SH3TC1: variants seen among roughly 807,000 people sequenced by gnomAD.
The protein encoded by SH3TC1 is SH3 domain and tetratricopeptide repeats 1.
In SH3TC1, 135 loss-of-function variants were observed where a neutral mutation model predicts 117.3. That is an observed-to-expected ratio of 1.15 (90% CI 1.00 to 1.33). The LOEUF (loss-of-function observed/expected upper bound fraction) is 1.33. Among genes scored for constraint, SH3TC1 ranks in the 40% most tolerant of loss-of-function variants. The pLI is 0.00. For missense variants in SH3TC1, 2,092 were observed against 1,794.3 expected (o/e 1.17, Z -3.00); for synonymous variants, 898 against 816.9 (o/e 1.10, Z -1.69).
chr4:8,238,375 G>A (rs2152999046), intron 17 of SH3TC1, among the ~76,000 whole-genome samples: 1 of 152,292 alleles, frequency 6.6e-6, no homozygotes, highest in African/African-American at 2.4e-5. Context: ...CAGGGGTGGA[G>A]AACTGGGACC....
In SH3TC1 at chr4:8,217,583, G is replaced by C. The variant is rs564818856; in HGVS notation, c.839+416G>C. ...ACTCCTGTTCACTTGCTGAAGCGGG[G>C]GGCATTAACTTGGGTTGGAGCTTCC... On this transcript the variant is annotated intron_variant, in intron 7 of 17. Transcript: ENST00000245105. Among the ~76,000 whole-genome samples the C allele has an allele frequency of 1.7e-3, 258 of 152,354 alleles. 1 individual carries two copies. The highest frequency in any genetic ancestry group is 5.9e-3 in the African/African-American group (244 of 41,582).
chr4:8,236,827 A>G (rs1158830469), intron 16 of SH3TC1: 3 of 180,734 alleles, frequency 1.7e-5, no homozygotes, highest in Non-Finnish European at 3.4e-5. Flanking sequence ...TTCCCCTTCC[A>G]GCAGCCTGCC....
chr4:8,193,553 C>A (rs1020207990), intron 1 of SH3TC1, among the ~76,000 whole-genome samples: 2 of 152,206 alleles, frequency 1.3e-5, no homozygotes, highest in African/African-American at 4.8e-5. Flanking sequence ...TTTCATCCTC[C>A]TCTCTTTCCT....
chr4:8,193,009 C>A lies in SH3TC1; in HGVS notation c.-57+10799C>A, dbSNP rs76245031. 3.4e-3 allele frequency among the ~76,000 whole-genome samples: 517 copies of A among 152,330 alleles called. 4 individuals carry two copies. Among genetic ancestry groups the A allele is most frequent in the African/African-American group, 0.012 (495 of 41,576 alleles). On this transcript the variant is annotated intron_variant, in intron 1 of 16. Transcript: ENST00000508641. ...CCACAAACCACATGACCACATCTGG[C>A]CCCCTGTCTTGTATAATAGATAGTT...
chr4:8,194,922 G>C (rs1397685479), upstream of SH3TC1, among the ~76,000 whole-genome samples: 1 of 152,226 alleles, frequency 6.6e-6, no homozygotes, highest in Non-Finnish European at 1.5e-5. Flanking sequence ...GAAAGCCCCA[G>C]AGGGCAGTTG....
rs1479990148 is a variant in SH3TC1, at chr4:8,231,809, C to T, written c.2951-167C>T. ...GAAGGCCGGCCTCTACCATGGGCAT[C>T]TGCACCAAGCTGTGCCCATGTCACG... On this transcript the variant is annotated intron_variant, in intron 12 of 17. Coordinates refer to ENST00000245105, the MANE Select transcript of SH3TC1 (RefSeq NM_018986.5). 2.1e-5 allele frequency: 15 copies of T among 718,744 alleles called. No individual in the cohort carries two copies. In the East Asian group the frequency reaches 3.8e-4, roughly 18 times the overall value. 44.5% of individuals were successfully genotyped at this position (718,744 alleles called of 1,614,324 possible). A position where few individuals can be genotyped will look rare whatever the true frequency, so the allele number is the denominator to read the frequency against.
chr4:8,210,201 G>T lies in SH3TC1; in HGVS notation c.247+379G>T, dbSNP rs73798660. Among the ~76,000 whole-genome samples, 19 of 152,276 alleles carry T rather than the reference G, an allele frequency of 1.2e-4. No homozygotes were observed. Among genetic ancestry groups the T allele is most frequent in the African/African-American group, 3.6e-4 (15 of 41,594 alleles). On this transcript the variant is annotated intron_variant, in intron 3 of 17. Coordinates refer to ENST00000245105, the MANE Select transcript of SH3TC1 (RefSeq NM_018986.5). The surrounding 1 kb of genome is among the most constrained non-coding windows in gnomAD (Gnocchi z 4.1). ...CAGGCTTCCCAGGGATGGGATCGCC[G>T]CAGGGCACAGGTGGAGGGAGGCAGC... is the stretch of plus-strand genomic sequence containing the variant.
chr4:8,218,441 C>CT, intron 8 of SH3TC1, 94 bp downstream of exon 8: 2 of 844,880 alleles, frequency 2.4e-6, no homozygotes, highest in Non-Finnish European at 3.7e-6. Context: ...CCTCCCTGAG[C>CT]CAGAGAGATA....
At chr4:8,213,913 G>A (rs943802407) in intron 4 of SH3TC1, among the ~76,000 whole-genome samples, 1 of 151,736 alleles carries the variant, frequency 6.6e-6, no homozygotes, top group Non-Finnish European at 1.5e-5. Context: ...AGAAAGAAAC[G>A]GGGCCTTATT....
chr4:8,208,024 C>T (rs1718347427), intron 2 of SH3TC1, among the ~76,000 whole-genome samples: 1 of 152,208 alleles, frequency 6.6e-6, no homozygotes, highest in African/African-American at 2.4e-5. Context: ...GCGGGCTGGA[C>T]AGGACCCCTG....
intron 5 of SH3TC1, 130 bp from the exon 6 acceptor site, chr4:8,215,981 A>G: frequency 8.8e-7 from 1 of 1,138,966 alleles, no homozygotes; most frequent in Non-Finnish European, 1.2e-6. Context: ...ACCCCAGGGC[A>G]GGTGGGTGTC....
upstream of SH3TC1, among the ~76,000 whole-genome samples, chr4:8,197,729 G>GA (rs1717606544): frequency 6.8e-5 from 1 of 14,624 alleles, no homozygotes; most frequent in Admixed American, 9.1e-4. Context: ...GGCAGCGAGG[G>GA]GCATGCCTAG....
intron 14 of SH3TC1, 92 bp from the exon 15 acceptor site, chr4:8,235,341 A>T: frequency 7.2e-7 from 1 of 1,379,636 alleles, no homozygotes; most frequent in Non-Finnish European, 9.5e-7. Flanking sequence ...GCAGTGTGTG[A>T]GAGGAAGGAG....
chr4:8,227,238 T>A lies in SH3TC1; in HGVS notation c.1544T>A (p.Phe515Tyr). The change falls in exon 12 of 18, where the codon TTC (phenylalanine) becomes TAC (tyrosine). Residue 515 changes from phenylalanine (F) to tyrosine (Y), a missense_variant. Phe to Tyr is a conservative substitution (Grantham distance 22, BLOSUM62 3). Transcript: ENST00000245105. ...FLNAPGYKASFRGLYDVALPW... is the reference protein window; with the variant it reads ...FLNAPGYKASYRGLYDVALPW... ...AACGCCCCTGGGTACAAGGCCAGCT[T>A]CCGTGGCCTGTACGATGTGGCGCTG... is the stretch of plus-strand genomic sequence containing the variant. 1.9e-6 allele frequency: 3 copies of A among 1,588,982 alleles called. No individual in the cohort carries two copies. The South Asian group carries it at 3.4e-5, about 18-fold the overall frequency.
chr4:8,228,341 G>C lies in SH3TC1; in HGVS notation c.2647G>C (p.Ala883Pro). The C allele has an allele frequency of 6.2e-7, 1 of 1,611,940 alleles. No individual in the cohort carries two copies. The highest frequency in any genetic ancestry group is 8.5e-7 in the Non-Finnish European group (1 of 1,179,874). Reference sequence around the variant, plus strand: ...GAGGACGGGCCGGACGAGGCAGGCAGCTGAGAGCTACTACCGCGCCCTGCG... The same window carrying C: ...GAGGACGGGCCGGACGAGGCAGGCACCTGAGAGCTACTACCGCGCCCTGCG... Reference protein sequence around the residue: ...LKRTGRTRQAAESYYRALRVA... With the variant: ...LKRTGRTRQAPESYYRALRVA... The change falls in exon 12 of 18, where the codon GCT becomes CCT. Residue 883 changes from alanine to proline, a missense_variant. Ala to Pro is a conservative substitution (Grantham distance 27). Transcript: ENST00000245105.
chr4:8,209,582 T>A lies in SH3TC1; in HGVS notation c.173-166T>A. ...TGGGAAGTGCAGGCAGCTTCCCTCC[T>A]TGCTGGGCTCTGGGGAGACTGGAGG... On this transcript the variant is annotated intron_variant, in intron 2 of 17. Coordinates refer to ENST00000245105, the MANE Select transcript of SH3TC1 (RefSeq NM_018986.5). This position sits in a 1 kb window ranked among gnomAD's most constrained non-coding sequence, Gnocchi z 5.9. 1 of 1,507,270 alleles carries A rather than the reference T, an allele frequency of 6.6e-7. No individual in the cohort carries two copies. Among genetic ancestry groups the A allele is most frequent in the East Asian group, 2.5e-5 (1 of 40,478 alleles). 93.4% of individuals were successfully genotyped at this position (1,507,270 alleles called of 1,614,324 possible).
intron 3 of SH3TC1, among the ~76,000 whole-genome samples, chr4:8,211,744 A>C (rs1387427982): frequency 6.6e-6 from 1 of 151,864 alleles, no homozygotes; most frequent in Non-Finnish European, 1.5e-5. Flanking sequence ...TCTAGTGGGA[A>C]ATTGCCAACC....
rs149529536 is a variant in SH3TC1 at position 8,236,307 on chromosome 4, G to A, written c.3435G>A (p.Thr1145=). 1.7e-4 allele frequency: 271 copies of A among 1,556,136 alleles called. No homozygotes were observed. The African/African-American group carries it at 3.1e-3, about 18-fold the overall frequency. ...RDRALPLAVT[T]GNRKAELRLC... ...GGGCCCTGCCCCTGGCAGTGACTAC[G>A]GGCAACCGCAAGGCGGAGCTGCGGC... The change falls in exon 16 of 18, where the codon ACG becomes ACA. Residue 1145 remains threonine (T), a synonymous_variant. Transcript: ENST00000245105.
chr4:8,209,113 G>A lies in SH3TC1; in HGVS notation c.173-635G>A, dbSNP rs1718438686. Among the ~76,000 whole-genome samples the A allele has an allele frequency of 6.6e-6, 1 of 152,198 alleles. No individual in the cohort carries two copies. The highest frequency in any genetic ancestry group is 2.4e-5 in the African/African-American group (1 of 41,452). ...TCCTACCTGCACAAGCTGTGAGGCTGAGCCCGTCTGTGGGCTCAGATAAAG... is the reference window on the plus strand; with the variant it reads ...TCCTACCTGCACAAGCTGTGAGGCTAAGCCCGTCTGTGGGCTCAGATAAAG... On this transcript the variant is annotated intron_variant, in intron 2 of 17. Coordinates refer to ENST00000245105, the MANE Select transcript of SH3TC1 (RefSeq NM_018986.5). This position sits in a 1 kb window ranked among gnomAD's most constrained non-coding sequence, Gnocchi z 5.9.
Sources: gnomAD v4.1 joint callset for allele counts (sites outside exome capture counted in the v4.1 genomes callset) on GRCh38, gnomAD v4.1.1 for gene constraint, Gnocchi (gnomAD v3.1) non-coding constraint, MANE v1.5 for transcripts, NCBI Gene and HGNC (gene_info 2026-07-23, HGNC 2026-07-21) for gene names.